RSU1: variants seen among roughly 807,000 people sequenced by gnomAD.
RSU1 encodes the protein Ras suppressor protein 1, also known as rsu-1.
A neutral mutation model predicts 31.1 loss-of-function variants in RSU1; 26 were observed. The observed-to-expected ratio is 0.84, with a 90% CI of 0.61 to 1.16. The LOEUF (loss-of-function observed/expected upper bound fraction) is 1.16, where lower values mean the gene tolerates loss of function less well. Ranked by LOEUF, RSU1 falls within the 50% of genes most tolerant of loss-of-function variation. The pLI is 0.00. For missense variants in RSU1, 320 were observed against 339.1 expected, an observed-to-expected ratio of 0.94 and a Z score of 0.44; for synonymous variants, 164 against 136.3, an observed-to-expected ratio of 1.20 and a Z score of -1.41.
In RSU1 at chr10:16,703,079, C is replaced by T. The variant is rs78438338; in HGVS notation, c.599-7924G>A. On this transcript the variant is annotated intron_variant, in intron 7 of 8. Coordinates refer to ENST00000345264, the MANE Select transcript of RSU1 (RefSeq NM_012425.4). ...CACCTCCCTACTTCCTTTCTTGCTC[C>T]TGCTCCCACCATGTGAGTCATCTCA... Among the ~76,000 whole-genome samples, 1,423 of 152,266 alleles carry T rather than the reference C, an allele frequency of 9.3e-3. 67 individuals are homozygous for T. The highest frequency in any genetic ancestry group is 0.077 in the Admixed American group (1,170 of 15,284).
chr10:16,675,725 A>T (rs957718907), intron 8 of RSU1, among the ~76,000 whole-genome samples: 1 of 152,230 alleles, frequency 6.6e-6, no homozygotes, highest in Non-Finnish European at 1.5e-5. Context: ...TAAATGGAGA[A>T]CATCAACATG....
chr10:16,763,866 A>G (rs1262864219), intron 4 of RSU1, among the ~76,000 whole-genome samples: 2 of 152,252 alleles, frequency 1.3e-5, no homozygotes, highest in African/African-American at 4.8e-5. Flanking sequence ...CTGGTTCTGC[A>G]ACCTCAGCTG....
chr10:16,716,555 A>T (rs1836144891), intron 7 of RSU1, among the ~76,000 whole-genome samples: 1 of 152,116 alleles, frequency 6.6e-6, no homozygotes, highest in Non-Finnish European at 1.5e-5. Flanking sequence ...TCCATACATG[A>T]TATGAGCACC....
intron 7 of RSU1, among the ~76,000 whole-genome samples, chr10:16,728,003 A>G (rs2131597282): frequency 6.6e-6 from 1 of 152,366 alleles, no homozygotes; most frequent in South Asian, 2.1e-4. Flanking sequence ...TCTCGGAGAG[A>G]GAAAGAAATC....
At chr10:16,709,885 G>C (rs1392125843) in intron 7 of RSU1, among the ~76,000 whole-genome samples, 1 of 152,100 alleles carries the variant, frequency 6.6e-6, no homozygotes, top group African/African-American at 2.4e-5. Context: ...GTAGATTCTG[G>C]ATATTAGCCC....
intron 2 of RSU1, among the ~76,000 whole-genome samples, chr10:16,787,625 G>A (rs931972432): frequency 3.3e-5 from 5 of 152,118 alleles, no homozygotes; most frequent in East Asian, 3.9e-4. Flanking sequence ...CATACTGTTC[G>A]TGTGACAGTA....
chr10:16,624,030 T>A (rs537036480), intron 8 of RSU1, among the ~76,000 whole-genome samples: 6 of 151,710 alleles, frequency 4.0e-5, no homozygotes, highest in African/African-American at 1.2e-4. Flanking sequence ...AGGGCTCACA[T>A]TCAGTCTTCT....
intron 2 of RSU1, among the ~76,000 whole-genome samples, chr10:16,794,392 C>G (rs1447059178): frequency 6.6e-6 from 1 of 152,174 alleles, no homozygotes; most frequent in Non-Finnish European, 1.5e-5. Flanking sequence ...GTTAATAAAA[C>G]CTTCAAGGAC....
chr10:16,752,543 T>C lies in RSU1; in HGVS notation c.594A>G (p.Glu198=). The change falls in exon 7 of 9, where the codon GAA becomes GAG. Residue 198 remains glutamate (E), a synonymous_variant. Coordinates refer to ENST00000345264, the MANE Select transcript of RSU1 (RefSeq NM_012425.4). ...TTCATTCATCAGCAACCTTACCTAG[T>C]TCTGGGGGCAGAACGGTGAGGCGGT... ...QGNRLTVLPP[E]LGNLDLTGQK... is the part of the protein sequence containing the mutation. The C allele has an allele frequency of 1.2e-6, 2 of 1,612,734 alleles. No individual in the cohort carries two copies. Among genetic ancestry groups the C allele is most frequent in the Non-Finnish European group, 1.7e-6 (2 of 1,178,748 alleles).
chr10:16,711,290 G>A (rs938174603), intron 7 of RSU1, among the ~76,000 whole-genome samples: 15 of 151,188 alleles, frequency 9.9e-5, no homozygotes, highest in Admixed American at 6.6e-5. Context: ...CTTGAGTCTT[G>A]TTTTTTTTAG....
chr10:16,757,938 G>A (rs1837132021), intron 4 of RSU1, among the ~76,000 whole-genome samples: 1 of 152,172 alleles, frequency 6.6e-6, no homozygotes, highest in African/African-American at 2.4e-5. Context: ...GGTTAGACAG[G>A]CTTAGAGGGA....
Position 16,731,302 on chromosome 10 carries a change from C to T in RSU1, c.598+21237G>A, listed in dbSNP as rs544756300. ...AAAATTAGCCGGGCGCGGGGGTGGG[C>T]GCCTGTAGTCCCAGCTACTTGGGAG... On this transcript the variant is annotated intron_variant, in intron 7 of 8. Transcript: ENST00000345264. Among the ~76,000 whole-genome samples the T allele has an allele frequency of 1.1e-4, 16 of 151,924 alleles. No homozygotes were observed. In the South Asian group the frequency reaches 2.7e-3, roughly 26 times the overall value.
Position 16,648,452 on chromosome 10 carries a change from T to C in RSU1, c.731+46571A>G, listed in dbSNP as rs1348754319. ...GAGCTTATTGCTTTTCTCCTTCACA[T>C]TGCCTACGAAGATAGGTCAAAGTTT... On this transcript the variant is annotated intron_variant, in intron 8 of 8. Coordinates refer to ENST00000345264, the MANE Select transcript of RSU1 (RefSeq NM_012425.4). Among the ~76,000 whole-genome samples, 7 of 152,264 alleles carry C rather than the reference T, an allele frequency of 4.6e-5. No homozygotes were observed. In the South Asian group the frequency reaches 1.2e-3, roughly 27 times the overall value.
chr10:16,766,501 G>A (rs1837318443), intron 3 of RSU1, among the ~76,000 whole-genome samples: 1 of 152,176 alleles, frequency 6.6e-6, no homozygotes, highest in Non-Finnish European at 1.5e-5. Context: ...GACTATCTGA[G>A]GTCAGGAGTT....
chr10:16,709,144 C>T (rs143483008), intron 7 of RSU1, among the ~76,000 whole-genome samples: 3 of 151,886 alleles, frequency 2.0e-5, no homozygotes, highest in Non-Finnish European at 2.9e-5. Flanking sequence ...ATCCCTCCCC[C>T]CTTCCCCCAC....
intron 8 of RSU1, among the ~76,000 whole-genome samples, chr10:16,656,296 T>C (rs1834776674): frequency 6.6e-6 from 1 of 152,204 alleles, no homozygotes; most frequent in Non-Finnish European, 1.5e-5. Flanking sequence ...TAGTATGTTA[T>C]GAAAATTCTC....
chr10:16,774,961 T>C (rs1837497555), intron 3 of RSU1, among the ~76,000 whole-genome samples: 1 of 152,028 alleles, frequency 6.6e-6, no homozygotes, highest in Non-Finnish European at 1.5e-5. Flanking sequence ...GGAGGCTTGC[T>C]TGAGCCCAGG....
At chr10:16,679,720 C>T (rs1157103802) in intron 8 of RSU1, among the ~76,000 whole-genome samples, 1 of 152,090 alleles carries the variant, frequency 6.6e-6, no homozygotes, top group Non-Finnish European at 1.5e-5. Context: ...CCCAGCAGCT[C>T]TGTCTGAAGG....
rs534927400 is a variant in RSU1, at chr10:16,692,960, T to C, written c.731+2063A>G. Reference sequence around the variant, plus strand: ...TTTAGTGTATTTCATTTTAAGGCCATTGTTCTTTTTTCTTTTTTTTGGGAT... The same window carrying C: ...TTTAGTGTATTTCATTTTAAGGCCACTGTTCTTTTTTCTTTTTTTTGGGAT... On this transcript the variant is annotated intron_variant, in intron 8 of 8. Coordinates refer to ENST00000345264, the MANE Select transcript of RSU1 (RefSeq NM_012425.4). Among the ~76,000 whole-genome samples, 13 of 152,244 alleles carry C rather than the reference T, an allele frequency of 8.5e-5. No homozygotes were observed. In the South Asian group the frequency reaches 2.7e-3, roughly 32 times the overall value.
Sources: allele counts gnomAD v4.1 joint callset (sites outside exome capture counted in the v4.1 genomes callset), GRCh38; gene constraint gnomAD v4.1.1; transcripts MANE v1.5; gene names NCBI Gene and HGNC (gene_info 2026-07-23, HGNC 2026-07-21).